The following MLLT1 variants were observed in gnomAD, a reference collection of about 807,000 sequenced individuals.
The protein encoded by MLLT1 is MLLT1 super elongation complex subunit, also known as protein ENL.
A neutral mutation model predicts 55.1 loss-of-function variants in MLLT1; 11 were observed. The ratio of observed to expected loss-of-function variants is 0.20; its 90% CI spans 0.13 to 0.33. MLLT1 has a LOEUF of 0.33. MLLT1 is among the 10% of genes least tolerant of loss of function. The probability of loss-of-function intolerance (pLI) is 1.00; values close to 1 mark genes in which losing one functional copy is unlikely to be tolerated. For missense variants in MLLT1, 536 were observed against 760.6 expected (o/e 0.70, Z 3.47); for synonymous variants, 323 against 320.1 (o/e 1.01, Z -0.10).
In MLLT1 at chr19:6,278,700, G is replaced by A. The variant is rs116605434; in HGVS notation, c.12+1073C>T. Reference sequence around the variant, plus strand: ...AAGCCTAAATCAGGATCCCAGGGGCGGAGAGGGCCCAAGCTGAGGGGAACA... The same window carrying A: ...AAGCCTAAATCAGGATCCCAGGGGCAGAGAGGGCCCAAGCTGAGGGGAACA... On this transcript the variant is annotated intron_variant, in intron 1 of 11. Transcript: ENST00000252674. Among the ~76,000 whole-genome samples, 193 of 152,186 alleles carry A rather than the reference G, an allele frequency of 1.3e-3. 1 individual carries two copies. Among genetic ancestry groups the A allele is most frequent in the African/African-American group, 4.5e-3 (188 of 41,516 alleles).
intron 8 of MLLT1, 27 bp downstream of exon 8, chr19:6,216,378 G>GCC (rs1289573403): frequency 6.4e-7 from 1 of 1,551,642 alleles, no homozygotes; most frequent in Non-Finnish European, 8.8e-7. Flanking sequence ...GGCCGCCTCC[G>GCC]CCCCCTGGCT....
At chr19:6,225,973 G>T (rs951067184) in intron 5 of MLLT1, among the ~76,000 whole-genome samples, 7 of 152,350 alleles carry the variant, frequency 4.6e-5, no homozygotes, top group African/African-American at 1.7e-4. Context: ...AGACCCCAGG[G>T]TTCCGTTTCC....
rs551502147 is a variant in MLLT1 at position 6,248,926 on chromosome 19, A to T, written c.276+13302T>A. The stretch of plus-strand genomic sequence containing the variant: ...CTGTGTCTAAAATTATTTCCAAATT[A>T]AAAAAATCGTAACTATGAGAGATTC... On this transcript the variant is annotated intron_variant, in intron 3 of 11. Coordinates refer to ENST00000252674, the MANE Select transcript of MLLT1 (RefSeq NM_005934.4). Among the ~76,000 whole-genome samples, 49 of 152,272 alleles carry T rather than the reference A, an allele frequency of 3.2e-4. 1 individual carries two copies. The South Asian group carries it at 6.6e-3, about 21-fold the overall frequency.
chr19:6,214,709 C>T (rs1402846230), intron 8 of MLLT1, among the ~76,000 whole-genome samples: 2 of 152,160 alleles, frequency 1.3e-5, no homozygotes, highest in Admixed American at 6.5e-5. Flanking sequence ...CCTGGGGTCC[C>T]GCTCTGCCAG....
Position 6,211,500 on chromosome 19 carries a change from G to A in MLLT1, c.*1542C>T, listed in dbSNP as rs754341852. On this transcript the variant is annotated 3_prime_UTR_variant, in exon 12 of 12. Coordinates refer to ENST00000252674, the MANE Select transcript of MLLT1 (RefSeq NM_005934.4). The surrounding 1 kb of genome is among the most constrained non-coding windows in gnomAD (Gnocchi z 4.6). ...AGAATCAGAGCAGGGACAAGATGAGGGACCTCAGGGAGGGACAGATGGAGC... is the reference window on the plus strand; with the variant it reads ...AGAATCAGAGCAGGGACAAGATGAGAGACCTCAGGGAGGGACAGATGGAGC... The A allele has an allele frequency of 1.6e-4, 92 of 592,842 alleles. No individual in the cohort carries two copies. Among genetic ancestry groups the A allele is most frequent in the Non-Finnish European group, 2.0e-4 (88 of 447,552 alleles). The allele number at this position is 592,842 out of a possible 1,614,324, so 36.7% of individuals were successfully genotyped here.
intron 3 of MLLT1, among the ~76,000 whole-genome samples, chr19:6,252,815 T>A (rs1280187680): frequency 6.6e-6 from 1 of 151,762 alleles, no homozygotes; most frequent in Non-Finnish European, 1.5e-5. Context: ...GGCTAGTATT[T>A]AAAAAAAAGA....
chr19:6,241,681 T>C (rs2091114528), intron 3 of MLLT1, among the ~76,000 whole-genome samples: 2 of 152,212 alleles, frequency 1.3e-5, no homozygotes, highest in Non-Finnish European at 2.9e-5. Context: ...TCTTTCCTTG[T>C]GCTTCTCTGC....
chr19:6,246,677 G>A (rs1483332661), intron 3 of MLLT1, among the ~76,000 whole-genome samples: 4 of 152,104 alleles, frequency 2.6e-5, no homozygotes, highest in South Asian at 2.1e-4. Context: ...ATCGGAGTGG[G>A]GGAGGCAGAG....
Position 6,215,273 on chromosome 19 carries a change from G to A in MLLT1, c.1307+1132C>T, listed in dbSNP as rs995186545. Among the ~76,000 whole-genome samples, 5 of 152,208 alleles carry A rather than the reference G, an allele frequency of 3.3e-5. 1 individual carries two copies. Among genetic ancestry groups the A allele is most frequent in the Non-Finnish European group, 7.3e-5 (5 of 68,028 alleles). On this transcript the variant is annotated intron_variant, in intron 8 of 11. Coordinates refer to ENST00000252674, the MANE Select transcript of MLLT1 (RefSeq NM_005934.4). The stretch of plus-strand genomic sequence containing the variant: ...GTGGCTCGGTCCCTGTGCCGTGCCT[G>A]CCAGCCCCTCTAGAACCGAACCTTC...
intron 10 of MLLT1, 96 bp downstream of exon 10, chr19:6,213,628 CTG>C (rs1210660195): frequency 8.0e-7 from 1 of 1,243,104 alleles, no homozygotes; most frequent in African/African-American, 1.5e-5. Context: ...AAGAGTCCAA[CTG>C]TGGGGTGTTG....
rs368037420 is a variant in MLLT1 at position 6,226,966 on chromosome 19, G to A, written c.546+11C>T. The A allele has an allele frequency of 2.7e-5, 43 of 1,584,884 alleles. No homozygotes were observed. Among genetic ancestry groups the A allele is most frequent in the African/African-American group, 4.1e-5 (3 of 73,268 alleles). On this transcript the variant is annotated intron_variant, in intron 5 of 11. Transcript: ENST00000252674. The surrounding 1 kb of genome is among the most constrained non-coding windows in gnomAD (Gnocchi z 6.3). ...GCGCTCCCACGCGACTGGGCCTTCC[G>A]CCTCACTAACCTTGGAGCCGTGGGA...
At chr19:6,253,807 C>A (rs941211266) in intron 3 of MLLT1, among the ~76,000 whole-genome samples, 1 of 152,128 alleles carries the variant, frequency 6.6e-6, no homozygotes, top group African/African-American at 2.4e-5. Context: ...AAACGTCATT[C>A]AGCAAACTAG....
chr19:6,248,918 T>A (rs938140362), intron 3 of MLLT1, among the ~76,000 whole-genome samples: 1 of 152,088 alleles, frequency 6.6e-6, no homozygotes, highest in South Asian at 2.1e-4. Flanking sequence ...TAAAATTATT[T>A]CCAAATTAAA....
At chr19:6,228,363 C>T (rs1041824450) in intron 4 of MLLT1, among the ~76,000 whole-genome samples, 2 of 152,174 alleles carry the variant, frequency 1.3e-5, no homozygotes, top group African/African-American at 2.4e-5. Context: ...TTCAGGATCA[C>T]GCAGTGTCTC....
intron 3 of MLLT1, among the ~76,000 whole-genome samples, chr19:6,252,938 A>G (rs1028042089): frequency 6.6e-6 from 1 of 152,150 alleles, no homozygotes; most frequent in Non-Finnish European, 1.5e-5. Flanking sequence ...TGTAAATAAG[A>G]CATAACCTTA....
chr19:6,269,422 G>A (rs2091376529), intron 2 of MLLT1, among the ~76,000 whole-genome samples: 1 of 152,230 alleles, frequency 6.6e-6, no homozygotes, highest in African/African-American at 2.4e-5. Flanking sequence ...GAGCCTCCGC[G>A]GCCATCCTCT....
intron 3 of MLLT1, among the ~76,000 whole-genome samples, chr19:6,236,188 G>A (rs1328827013): frequency 3.3e-5 from 5 of 152,208 alleles, no homozygotes; most frequent in Admixed American, 3.3e-4. Flanking sequence ...AGAGCACAAA[G>A]GCGAAACAGC....
At chr19:6,264,666 G>A (rs1445842572) in intron 2 of MLLT1, among the ~76,000 whole-genome samples, 2 of 152,068 alleles carry the variant, frequency 1.3e-5, no homozygotes, top group East Asian at 3.8e-4. Flanking sequence ...GGCACTCTGG[G>A]AGGCCGAGGT....
chr19:6,222,411 G>A lies in MLLT1; in HGVS notation c.820C>T (p.Pro274Ser). ...ESTSPKGGPPPPPPPPPRASS... is the reference protein window; with the variant it reads ...ESTSPKGGPPSPPPPPPRASS... ...GCCCGGGGTGGGGGTGGGGGTGGGGGTGGGGGCCCACCCTTGGGGGACGTG... is the reference window on the plus strand; with the variant it reads ...GCCCGGGGTGGGGGTGGGGGTGGGGATGGGGGCCCACCCTTGGGGGACGTG... The change falls in exon 6 of 12, where the codon CCC becomes TCC. Residue 274 changes from proline to serine, a missense_variant. Coordinates refer to ENST00000252674, the MANE Select transcript of MLLT1 (RefSeq NM_005934.4). This position sits in a 1 kb window ranked among gnomAD's most constrained non-coding sequence, Gnocchi z 4.1. The A allele has an allele frequency of 4.2e-6, 2 of 480,928 alleles. No individual in the cohort carries two copies. The highest frequency in any genetic ancestry group is 6.9e-6 in the Non-Finnish European group (2 of 287,972). 29.8% of individuals were successfully genotyped at this position (480,928 alleles called of 1,614,324 possible). A position where few individuals can be genotyped will look rare whatever the true frequency, so the allele number is the denominator to read the frequency against.
Sources: gnomAD v4.1 joint callset for allele counts (sites outside exome capture counted in the v4.1 genomes callset) on GRCh38, gnomAD v4.1.1 for gene constraint, Gnocchi (gnomAD v3.1) non-coding constraint, MANE v1.5 for transcripts, NCBI Gene and HGNC (gene_info 2026-07-23, HGNC 2026-07-21) for gene names.